Variants in TNFAIP8 observed in about 807,000 individuals in gnomAD.
TNFAIP8 encodes the protein tumor necrosis factor alpha-induced protein 8.
A neutral mutation model predicts 13.3 loss-of-function variants in TNFAIP8; 7 were observed. The observed-to-expected ratio is 0.52, with a 90% confidence interval of 0.30 to 0.99. The LOEUF (loss-of-function observed/expected upper bound fraction) is 0.99. TNFAIP8 is among the 50% of genes least tolerant of loss of function. The pLI, the probability that TNFAIP8 is intolerant of heterozygous loss-of-function variation, is 0.07. For missense variants in TNFAIP8, 258 were observed against 236.9 expected, an observed-to-expected ratio of 1.09 and a Z score of -0.58; for synonymous variants, 94 against 87.6, an observed-to-expected ratio of 1.07 and a Z score of -0.41.
intron 1 of TNFAIP8, among the ~76,000 whole-genome samples, chr5:119,306,187 A>G (rs980457222): frequency 2.0e-5 from 3 of 152,214 alleles, no homozygotes; most frequent in African/African-American, 7.2e-5. Flanking sequence ...ATGATCAGAA[A>G]ACAGAAAAGA....
At chr5:119,373,063 C>T (rs1049567778) in intron 1 of TNFAIP8, among the ~76,000 whole-genome samples, 1 of 152,136 alleles carries the variant, frequency 6.6e-6, no homozygotes, top group Non-Finnish European at 1.5e-5. Flanking sequence ...GGTAGTATGA[C>T]TGGATTCTTC....
intron 1 of TNFAIP8, among the ~76,000 whole-genome samples, chr5:119,363,987 G>A (rs1319130205): frequency 1.3e-5 from 2 of 152,214 alleles, no homozygotes; most frequent in African/African-American, 4.8e-5. Flanking sequence ...GTGCCAACTG[G>A]AAGAGATGTG....
intron 1 of TNFAIP8, among the ~76,000 whole-genome samples, chr5:119,280,964 T>TA (rs1396364405): frequency 1.3e-5 from 2 of 152,144 alleles, no homozygotes; most frequent in African/African-American, 4.8e-5. Context: ...GGTTTTAGTC[T>TA]ATTGAAATTT....
chr5:119,360,265 C>A (rs1239116809), intron 1 of TNFAIP8, among the ~76,000 whole-genome samples: 1 of 152,128 alleles, frequency 6.6e-6, no homozygotes, highest in African/African-American at 2.4e-5. Flanking sequence ...AAACTCAGGA[C>A]CCAGCGATTG....
At chr5:119,378,737 A>C (rs578059767) in intron 1 of TNFAIP8, among the ~76,000 whole-genome samples, 1 of 152,204 alleles carries the variant, frequency 6.6e-6, no homozygotes, top group African/African-American at 2.4e-5. Context: ...CAATAGATTA[A>C]AAAAATGAAA....
At chr5:119,366,052 AG>A (rs1751840622) in intron 1 of TNFAIP8, among the ~76,000 whole-genome samples, 1 of 149,972 alleles carries the variant, frequency 6.7e-6, no homozygotes, top group African/African-American at 2.4e-5. Context: ...TGAGAGCAAC[AG>A]GGTGGGTGGG....
In TNFAIP8 at chr5:119,393,369, A is replaced by C; in HGVS notation, c.585A>C (p.Glu195Asp). ...ATGGTATCAACAAAATGTTGGATGAAGAGAACATATGAGCACATGAGTTAA... is the reference window on the plus strand; with the variant it reads ...ATGGTATCAACAAAATGTTGGATGACGAGAACATATGAGCACATGAGTTAA... Reference protein sequence around the residue: ...LCDGINKMLDEENI With the variant: ...LCDGINKMLDDENI The change falls in exon 2 of 2, where the codon GAA (glutamate) becomes GAC (aspartate). Residue 195 changes from glutamate to aspartate, a missense_variant. Glu to Asp is a conservative substitution (Grantham distance 45, BLOSUM62 2). Coordinates refer to ENST00000504771, the MANE Select transcript of TNFAIP8 (RefSeq NM_014350.4). 2.5e-6 allele frequency: 4 copies of C among 1,613,048 alleles called. No individual in the cohort carries two copies. Among genetic ancestry groups the C allele is most frequent in the South Asian group, 2.2e-5 (2 of 91,006 alleles).
chr5:119,351,035 T>G (rs868280509), upstream of TNFAIP8, among the ~76,000 whole-genome samples: 397 of 130,948 alleles, frequency 3.0e-3, no homozygotes, highest in African/African-American at 0.012. Flanking sequence ...TGTGTGTGTG[T>G]AGAGAGAGAG....
intron 1 of TNFAIP8, among the ~76,000 whole-genome samples, chr5:119,332,168 T>C (rs980249697): frequency 6.6e-6 from 1 of 152,226 alleles, no homozygotes; most frequent in Non-Finnish European, 1.5e-5. Flanking sequence ...ATTTGGTATC[T>C]CTTTTGGCCT....
At chr5:119,270,922 C>T (rs187031910) in intron 1 of TNFAIP8, among the ~76,000 whole-genome samples, 1 of 152,308 alleles carries the variant, frequency 6.6e-6, no homozygotes, top group Non-Finnish European at 1.5e-5. Context: ...TCTTTAAGGG[C>T]AACTTTTACT....
chr5:119,366,320 G>C (rs573316522), intron 1 of TNFAIP8, among the ~76,000 whole-genome samples: 5 of 152,046 alleles, frequency 3.3e-5, no homozygotes, highest in Non-Finnish European at 5.9e-5. Context: ...TGCAGACTTG[G>C]AGCCAATGAA....
intron 1 of TNFAIP8, among the ~76,000 whole-genome samples, chr5:119,388,469 G>C (rs1752763254): frequency 6.6e-6 from 1 of 152,162 alleles, no homozygotes; most frequent in Admixed American, 6.5e-5. Flanking sequence ...CCACTCTCTA[G>C]GCCTGCAAGT....
chr5:119,269,156 C>T (rs1748185589), intron 1 of TNFAIP8, among the ~76,000 whole-genome samples: 1 of 152,220 alleles, frequency 6.6e-6, no homozygotes, highest in Admixed American at 6.5e-5. Flanking sequence ...GGATCCAAGA[C>T]CCCTTTTAGG....
chr5:119,339,417 G>A (rs1750661490), intron 1 of TNFAIP8, among the ~76,000 whole-genome samples: 1 of 151,026 alleles, frequency 6.6e-6, no homozygotes, highest in South Asian at 2.1e-4. Flanking sequence ...ATGCTGTTGG[G>A]TCAGCCACGA....
At chr5:119,336,527 T>G (rs201108315) in intron 1 of TNFAIP8, among the ~76,000 whole-genome samples, 1 of 122,454 alleles carries the variant, frequency 8.2e-6, no homozygotes, top group Admixed American at 7.7e-5. Flanking sequence ...AGACTTCTTA[T>G]ACTTCTTATT....
intron 1 of TNFAIP8, among the ~76,000 whole-genome samples, chr5:119,372,726 G>A (rs1317540652): frequency 8.5e-5 from 13 of 152,306 alleles, no homozygotes; most frequent in South Asian, 2.1e-4. Flanking sequence ...TTGGGAAGCC[G>A]AGGCAGGAGG....
chr5:119,299,920 G>A (rs1226829357), intron 1 of TNFAIP8, among the ~76,000 whole-genome samples: 5 of 152,210 alleles, frequency 3.3e-5, no homozygotes, highest in South Asian at 4.1e-4. Flanking sequence ...AGTCAGGTGC[G>A]GGTTATAATC....
At chr5:119,377,563 A>G (rs1036945830) in intron 1 of TNFAIP8, among the ~76,000 whole-genome samples, 1 of 152,028 alleles carries the variant, frequency 6.6e-6, no homozygotes. Flanking sequence ...AATTTGTCAA[A>G]TTTACCACCG....
In TNFAIP8 at chr5:119,393,061, C is replaced by G. The variant is rs1752960144; in HGVS notation, c.277C>G (p.Gln93Glu). The change falls in exon 2 of 2, where the codon CAA becomes GAA. Residue 93 changes from glutamine (Q) to glutamate (E), a missense_variant. By Grantham distance (29) the Gln-to-Glu change is conservative. Coordinates refer to ENST00000504771, the MANE Select transcript of TNFAIP8 (RefSeq NM_014350.4). The part of the protein sequence containing the change: ...AILYRNNQFN[Q>E]DELALMEKFK... ...TCTTTATAGGAATAATCAGTTTAAT[C>G]AAGATGAGCTAGCATTGATGGAGAA... 5 of 1,613,762 alleles carry G rather than the reference C, an allele frequency of 3.1e-6. No individual in the cohort carries two copies. In the African/African-American group the frequency reaches 5.3e-5, roughly 17 times the overall value.
Sources: gnomAD v4.1 joint callset for allele counts (sites outside exome capture counted in the v4.1 genomes callset) on GRCh38, gnomAD v4.1.1 for gene constraint, MANE v1.5 for transcripts, NCBI Gene and HGNC (gene_info 2026-07-23, HGNC 2026-07-21) for gene names.